Variants in KCNJ6 observed in about 807,000 individuals in gnomAD.
The protein encoded by KCNJ6 is G protein-activated inward rectifier potassium channel 2.
In KCNJ6, 9 loss-of-function variants were observed where a neutral mutation model predicts 34.2. The observed-to-expected ratio is 0.26, with a 90% CI of 0.16 to 0.46. KCNJ6 has a LOEUF of 0.46. KCNJ6 is among the 20% of genes least tolerant of loss of function. The pLI, the probability that KCNJ6 is intolerant of heterozygous loss-of-function variation, is 1.00. For missense variants in KCNJ6, 236 were observed against 531.3 expected, an observed-to-expected ratio of 0.44 and a Z score of 5.46; for synonymous variants, 196 against 207.1, an observed-to-expected ratio of 0.95 and a Z score of 0.46.
At chr21:37,767,700 T>C (rs1273101803) in intron 2 of KCNJ6, among the ~76,000 whole-genome samples, 1 of 152,254 alleles carries the variant, frequency 6.6e-6, no homozygotes, top group East Asian at 1.9e-4. Context: ...ATACTGGTTA[T>C]ATTGTGAATA....
intron 1 of KCNJ6, among the ~76,000 whole-genome samples, chr21:37,904,029 G>A (rs372003644): frequency 4.6e-5 from 7 of 152,166 alleles, no homozygotes; most frequent in African/African-American, 1.4e-4. Context: ...AATATTGTGG[G>A]TTTATTTGAA....
At chr21:37,896,494 C>G (rs2055788836) in intron 1 of KCNJ6, among the ~76,000 whole-genome samples, 1 of 152,294 alleles carries the variant, frequency 6.6e-6, no homozygotes, top group East Asian at 1.9e-4. Context: ...TGGGGTTCGG[C>G]TGTGTCTTTG....
intron 2 of KCNJ6, among the ~76,000 whole-genome samples, chr21:37,830,809 G>A (rs376167284): frequency 7.9e-5 from 12 of 152,270 alleles, no homozygotes; most frequent in East Asian, 1.9e-4. Context: ...GGAATGTCAC[G>A]CGTGATGGTT....
chr21:37,733,998 C>G (rs990917333), intron 2 of KCNJ6, among the ~76,000 whole-genome samples: 1 of 152,202 alleles, frequency 6.6e-6, no homozygotes, highest in Admixed American at 6.5e-5. Context: ...TCCATTTAGC[C>G]TTAGCTGAAT....
intron 2 of KCNJ6, among the ~76,000 whole-genome samples, chr21:37,811,526 T>A (rs1162239255): frequency 6.6e-6 from 1 of 152,182 alleles, no homozygotes; most frequent in African/African-American, 2.4e-5. Flanking sequence ...GATGCTGAGC[T>A]GGTGTCAGAG....
intron 3 of KCNJ6, among the ~76,000 whole-genome samples, chr21:37,672,252 A>C (rs1157183613): frequency 6.6e-6 from 1 of 152,134 alleles, no homozygotes; most frequent in Non-Finnish European, 1.5e-5. Context: ...ATATAGCTTT[A>C]GCTTCTAGGA....
intron 3 of KCNJ6, among the ~76,000 whole-genome samples, chr21:37,654,791 C>G (rs1456815486): frequency 6.6e-6 from 1 of 152,202 alleles, no homozygotes; most frequent in African/African-American, 2.4e-5. Flanking sequence ...CTCCTGGCAT[C>G]TGCATCTTCA....
In KCNJ6 at chr21:37,611,804, A is replaced by G. The variant is rs1174421130; in HGVS notation, c.*13355T>C. ...TCATGATAAAAACACTCAGTAAAGCAGGAATAGAGGAGAAGCCCCTCAACC... is the reference window on the plus strand; with the variant it reads ...TCATGATAAAAACACTCAGTAAAGCGGGAATAGAGGAGAAGCCCCTCAACC... On this transcript the variant is annotated 3_prime_UTR_variant, in exon 4 of 4. Transcript: ENST00000609713. 1 of 152,158 alleles carries G rather than the reference A, an allele frequency of 6.6e-6. No homozygotes were observed. Among genetic ancestry groups the G allele is most frequent in the Admixed American group, 6.5e-5 (1 of 15,284 alleles). 9.4% of individuals were successfully genotyped at this position (152,158 alleles called of 1,614,324 possible). A position where few individuals can be genotyped will look rare whatever the true frequency, so the allele number is the denominator to read the frequency against.
Position 37,629,772 on chromosome 21 carries a change from T to C in KCNJ6, c.947-4288A>G, listed in dbSNP as rs1020187589. 2.6e-5 allele frequency among the ~76,000 whole-genome samples: 4 copies of C among 152,336 alleles called. No individual in the cohort carries two copies. The South Asian group carries it at 8.3e-4, about 32-fold the overall frequency. On this transcript the variant is annotated intron_variant, in intron 3 of 3. Transcript: ENST00000609713. ...CAGCAAACTCAATACACTTACTGAC[T>C]TCTATAGGGAGAGGAAAATACCTTT...
intron 2 of KCNJ6, among the ~76,000 whole-genome samples, chr21:37,783,572 G>A (rs778011039): frequency 9.9e-5 from 15 of 152,284 alleles, no homozygotes; most frequent in Admixed American, 2.6e-4. Flanking sequence ...TCTCGGGTAT[G>A]TTTTTGTCAG....
rs1393237684 is a variant in KCNJ6 at position 37,623,852 on chromosome 21, A to G, written c.*1307T>C. Reference sequence around the variant, plus strand: ...CACAATGCAAGAAATGCTGATGGATAAGCCCCAGGGACAGGCGAGATGTCA... The same window carrying G: ...CACAATGCAAGAAATGCTGATGGATGAGCCCCAGGGACAGGCGAGATGTCA... On this transcript the variant is annotated 3_prime_UTR_variant, in exon 4 of 4. Transcript: ENST00000609713. The G allele has an allele frequency of 5.3e-5, 8 of 152,226 alleles. No individual in the cohort carries two copies. The highest frequency in any genetic ancestry group is 1.7e-4 in the African/African-American group (7 of 41,462). The allele number at this position is 152,226 out of a possible 1,614,324, so 9.4% of individuals were successfully genotyped here.
chr21:37,893,079 C>T (rs2055770285), intron 1 of KCNJ6, among the ~76,000 whole-genome samples: 1 of 151,974 alleles, frequency 6.6e-6, no homozygotes, highest in Non-Finnish European at 1.5e-5. Context: ...TGGTCTCGAT[C>T]TCCTAACCTT....
chr21:37,837,427 G>A (rs1243135092), intron 2 of KCNJ6, among the ~76,000 whole-genome samples: 1 of 152,148 alleles, frequency 6.6e-6, no homozygotes, highest in East Asian at 1.9e-4. Context: ...CTTTTTGGAG[G>A]TGGTTGATGA....
intron 3 of KCNJ6, among the ~76,000 whole-genome samples, chr21:37,693,921 T>G (rs930778287): frequency 1.2e-5 from 1 of 82,584 alleles, no homozygotes; most frequent in African/African-American, 5.5e-5. Context: ...TTCAATTATT[T>G]ACCATTTTTT....
chr21:37,747,563 G>A (rs1056456781), intron 2 of KCNJ6, among the ~76,000 whole-genome samples: 2 of 152,224 alleles, frequency 1.3e-5, no homozygotes, highest in Non-Finnish European at 2.9e-5. Flanking sequence ...ACCTTCAACT[G>A]GGGAGATTAT....
chr21:37,677,938 C>T (rs1210212897), intron 3 of KCNJ6, among the ~76,000 whole-genome samples: 1 of 73,202 alleles, frequency 1.4e-5, no homozygotes, highest in Non-Finnish European at 3.2e-5. Flanking sequence ...TTAATTCATT[C>T]ATTGGCAAAG....
intron 3 of KCNJ6, among the ~76,000 whole-genome samples, chr21:37,690,781 CTT>C (rs796532358): frequency 8.1e-4 from 111 of 136,512 alleles, no homozygotes; most frequent in Non-Finnish European, 8.8e-4. Context: ...TTTTTCTTTT[CTT>C]TTTTTTTTTT....
chr21:37,877,025 C>T (rs1041115100), intron 1 of KCNJ6, among the ~76,000 whole-genome samples: 4 of 152,138 alleles, frequency 2.6e-5, no homozygotes, highest in African/African-American at 9.7e-5. Flanking sequence ...GAGTCATGTT[C>T]CAAAGTGCCC....
intron 3 of KCNJ6, among the ~76,000 whole-genome samples, chr21:37,682,460 C>A (rs915960696): frequency 6.6e-6 from 1 of 152,110 alleles, no homozygotes; most frequent in Non-Finnish European, 1.5e-5. Flanking sequence ...ATAGAGGAGG[C>A]CTTTCCAAGT....
Sources: gnomAD v4.1 joint callset for allele counts (sites outside exome capture counted in the v4.1 genomes callset) on GRCh38, gnomAD v4.1.1 for gene constraint, MANE v1.5 for transcripts, NCBI Gene and HGNC (gene_info 2026-07-23, HGNC 2026-07-21) for gene names.